EBF2: variants seen among roughly 807,000 people sequenced by gnomAD.
EBF2 encodes the protein EBF transcription factor 2.
In EBF2, 21 loss-of-function variants were observed where a neutral mutation model predicts 72.8. That is an observed-to-expected ratio of 0.29 (90% CI 0.20 to 0.42). EBF2 has a LOEUF of 0.42. EBF2 is among the 10% of genes least tolerant of loss of function. The pLI is 1.00. For synonymous variants in EBF2, 299 were observed against 274.2 expected (o/e 1.09, Z -0.89); for missense variants, 637 against 731.2 (o/e 0.87, Z 1.49).
At chr8:26,040,702 G>A (rs758916562) in intron 3 of EBF2, 31 bp from the exon 4 acceptor site, 2 of 1,551,382 alleles carry the variant, frequency 1.3e-6, no homozygotes, top group Non-Finnish European at 1.7e-6. Flanking sequence ...CGAGTCAAGG[G>A]CCGTAGAGCC....
At chr8:25,947,709 T>A (rs1803794605) in intron 6 of EBF2, among the ~76,000 whole-genome samples, 1 of 152,224 alleles carries the variant, frequency 6.6e-6, no homozygotes, top group Non-Finnish European at 1.5e-5. Context: ...TTCTTGCACA[T>A]GCACAAGGAG....
chr8:26,039,929 G>A lies in EBF2; in HGVS notation c.482+99C>T. The A allele has an allele frequency of 4.6e-6, 6 of 1,301,324 alleles. No homozygotes were observed. The South Asian group carries it at 6.1e-5, about 13-fold the overall frequency. The allele number at this position is 1,301,324 out of a possible 1,614,324, so 80.6% of individuals were successfully genotyped here. ...CCCGCGAGGCCTCCCAGCTGCGAGC[G>A]CTCAGTCCTGAAAGTTAGTCCCGGG... is the stretch of plus-strand genomic sequence containing the variant. On this transcript the variant is annotated intron_variant, in intron 5 of 15. Coordinates refer to ENST00000520164, the MANE Select transcript of EBF2 (RefSeq NM_022659.4).
chr8:25,972,859 AT>A (rs1355163812), intron 6 of EBF2, among the ~76,000 whole-genome samples: 2 of 147,738 alleles, frequency 1.4e-5, no homozygotes, highest in Non-Finnish European at 3.0e-5. Context: ...ATGCAATACA[AT>A]GCAGTTTGGC....
At chr8:26,003,507 A>C (rs1315293987) in intron 6 of EBF2, among the ~76,000 whole-genome samples, 2 of 152,202 alleles carry the variant, frequency 1.3e-5, no homozygotes, top group African/African-American at 2.4e-5. Context: ...TTCTGGAATC[A>C]GATCCGGCTT....
At chr8:25,982,532 T>G (rs1804378887) in intron 6 of EBF2, among the ~76,000 whole-genome samples, 1 of 152,330 alleles carries the variant, frequency 6.6e-6, no homozygotes, top group Admixed American at 6.5e-5. Context: ...AGAGTTTTAA[T>G]GTAAGACTCC....
chr8:25,936,962 T>C lies in EBF2; in HGVS notation c.552-28407A>G, dbSNP rs73677437. On this transcript the variant is annotated intron_variant, in intron 6 of 15. Coordinates refer to ENST00000520164, the MANE Select transcript of EBF2 (RefSeq NM_022659.4). ...CCACTTAATTCCTATTAAAGACCGA[T>C]AAAAAGAAAAGCTTTTATTGAAATG... 3.4e-3 allele frequency among the ~76,000 whole-genome samples: 513 copies of C among 152,252 alleles called. 1 individual carries two copies. The highest frequency in any genetic ancestry group is 0.012 in the African/African-American group (484 of 41,550).
chr8:25,938,901 C>G (rs1469568210), intron 6 of EBF2, among the ~76,000 whole-genome samples: 2 of 152,094 alleles, frequency 1.3e-5, no homozygotes, highest in Non-Finnish European at 2.9e-5. Flanking sequence ...TCTTCCAAAG[C>G]ACAAAGCTCA....
intron 6 of EBF2, among the ~76,000 whole-genome samples, chr8:25,988,421 T>C (rs371011328): frequency 2.0e-5 from 3 of 152,344 alleles, no homozygotes; most frequent in African/African-American, 7.2e-5. Flanking sequence ...CAAATATGAA[T>C]GTTGATACAT....
At chr8:25,906,603 C>A (rs1442276454) in intron 7 of EBF2, among the ~76,000 whole-genome samples, 2 of 152,066 alleles carry the variant, frequency 1.3e-5, no homozygotes, top group African/African-American at 4.8e-5. Context: ...CTCATCTCTA[C>A]TAAAAATACA....
chr8:25,916,300 AAG>A (rs1439409529), intron 6 of EBF2, among the ~76,000 whole-genome samples: 5 of 149,342 alleles, frequency 3.3e-5, no homozygotes, highest in Admixed American at 6.6e-5. Context: ...AAAAAAAAAA[AAG>A]CAAAAAACCC....
At chr8:25,995,493 A>G (rs1184124306) in intron 6 of EBF2, among the ~76,000 whole-genome samples, 1 of 152,204 alleles carries the variant, frequency 6.6e-6, no homozygotes, top group Non-Finnish European at 1.5e-5. Context: ...TCTCGCATTA[A>G]AAAGGAATTG....
chr8:25,932,562 A>G (rs1446720818), intron 6 of EBF2, among the ~76,000 whole-genome samples: 1 of 152,172 alleles, frequency 6.6e-6, no homozygotes, highest in Non-Finnish European at 1.5e-5. Flanking sequence ...ACAAACAGAG[A>G]TGTTAAAACT....
At chr8:25,889,719 T>C (rs769736389) in intron 8 of EBF2, 33 bp downstream of exon 8, 2 of 1,521,898 alleles carry the variant, frequency 1.3e-6, no homozygotes, top group Admixed American at 1.7e-5. Context: ...GAGAATTTCA[T>C]GTGTCTGCTA....
intron 6 of EBF2, among the ~76,000 whole-genome samples, chr8:26,004,460 A>G (rs749698912): frequency 1.4e-4 from 22 of 152,136 alleles, no homozygotes; most frequent in Non-Finnish European, 2.9e-5. Flanking sequence ...GGATTACATG[A>G]GGTCAGGAGT....
chr8:25,992,799 G>A (rs1445376556), intron 6 of EBF2, among the ~76,000 whole-genome samples: 1 of 151,856 alleles, frequency 6.6e-6, no homozygotes, highest in Admixed American at 6.6e-5. Flanking sequence ...AGCTACTTAG[G>A]AGGCTGAGGT....
chr8:26,027,716 C>T (rs1207261732), intron 6 of EBF2, among the ~76,000 whole-genome samples: 1 of 152,018 alleles, frequency 6.6e-6, no homozygotes. Flanking sequence ...GTCAAAGCAA[C>T]CCATTGCCAG....
chr8:25,955,331 T>C (rs1181231880), intron 6 of EBF2, among the ~76,000 whole-genome samples: 1 of 152,206 alleles, frequency 6.6e-6, no homozygotes, highest in Non-Finnish European at 1.5e-5. Flanking sequence ...GAAGCCATTC[T>C]ATTCACCAAG....
chr8:25,880,093 C>G (rs755503279), intron 10 of EBF2, among the ~76,000 whole-genome samples: 8 of 152,082 alleles, frequency 5.3e-5, no homozygotes, highest in Non-Finnish European at 1.2e-4. Context: ...TCTTTTTCCA[C>G]AATGTATAAC....
At chr8:25,929,754 G>A (rs1036837200) in intron 6 of EBF2, among the ~76,000 whole-genome samples, 22 of 152,146 alleles carry the variant, frequency 1.4e-4, no homozygotes, top group Non-Finnish European at 1.5e-5. Flanking sequence ...AGTCTTCACA[G>A]TCTTGTTCTT....
Sources: gnomAD v4.1 joint callset for allele counts (sites outside exome capture counted in the v4.1 genomes callset) on GRCh38, gnomAD v4.1.1 for gene constraint, MANE v1.5 for transcripts, NCBI Gene and HGNC (gene_info 2026-07-23, HGNC 2026-07-21) for gene names.